NELL2: variants seen among roughly 807,000 people sequenced by gnomAD.
NELL2 encodes the protein protein kinase C-binding protein NELL2.
Under a neutral mutation model 109.6 loss-of-function variants are expected in NELL2, and 41 were observed. That is an observed-to-expected ratio of 0.37 (90% CI 0.29 to 0.49). The LOEUF (loss-of-function observed/expected upper bound fraction) is 0.49, where lower values mean the gene tolerates loss of function less well. NELL2 is among the 20% of genes least tolerant of loss of function. The pLI is 0.98. For synonymous variants in NELL2, 355 were observed against 344.7 expected (o/e 1.03, Z -0.33); for missense variants, 900 against 1,008.3 (o/e 0.89, Z 1.45).
exon 1 of NELL2, chr12:44,913,856 A>G: frequency 1.3e-6 from 1 of 740,926 alleles, no homozygotes; most frequent in Non-Finnish European, 2.1e-6. Flanking sequence ...ATAATGTCTA[A>G]AAGGTTCTTT....
chr12:44,554,510 G>C (rs1010290476), intron 15 of NELL2, among the ~76,000 whole-genome samples: 5 of 152,092 alleles, frequency 3.3e-5, no homozygotes, highest in Non-Finnish European at 5.9e-5. Flanking sequence ...GGCGATAATG[G>C]ATATGTTCGC....
intron 2 of NELL2, among the ~76,000 whole-genome samples, chr12:44,841,799 A>C (rs987586657): frequency 1.3e-5 from 2 of 152,060 alleles, no homozygotes; most frequent in African/African-American, 4.8e-5. Flanking sequence ...TCCAGAGTGG[A>C]GCAATCTCTC....
intron 12 of NELL2, among the ~76,000 whole-genome samples, chr12:44,683,837 A>C (rs1315828057): frequency 6.6e-6 from 1 of 152,084 alleles, no homozygotes; most frequent in Non-Finnish European, 1.5e-5. Context: ...TTTTATTGAG[A>C]ATTTTTGCAT....
upstream of NELL2, chr12:44,876,377 G>C: frequency 8.1e-7 from 1 of 1,235,734 alleles, no homozygotes; most frequent in Non-Finnish European, 1.0e-6. Context: ...GGCGGGCCGG[G>C]GGAGGCGGGG....
At chr12:44,516,394 C>A (rs1004386197) in intron 19 of NELL2, among the ~76,000 whole-genome samples, 4 of 151,844 alleles carry the variant, frequency 2.6e-5, no homozygotes, top group Admixed American at 2.6e-4. Context: ...TATGGGGGTG[C>A]GGATAGTATG....
At chr12:44,668,129 C>T (rs928620709) in intron 12 of NELL2, among the ~76,000 whole-genome samples, 1 of 152,162 alleles carries the variant, frequency 6.6e-6, no homozygotes, top group Non-Finnish European at 1.5e-5. Flanking sequence ...GAGGGCTATG[C>T]TGCCATAATA....
intron 12 of NELL2, among the ~76,000 whole-genome samples, chr12:44,680,282 G>C (rs911832981): frequency 7.9e-5 from 12 of 151,924 alleles, no homozygotes; most frequent in Non-Finnish European, 1.5e-4. Context: ...TGTTAGTTTT[G>C]ACAATCTTAA....
intron 13 of NELL2, among the ~76,000 whole-genome samples, chr12:44,650,299 A>AT (rs10572082): frequency 1.9e-3 from 266 of 143,020 alleles, no homozygotes; most frequent in Middle Eastern, 3.6e-3. Flanking sequence ...CCACCCCCCA[A>AT]TTTTTTTTTT....
At chr12:44,905,983 T>C (rs1945715632) in intron 1 of NELL2, among the ~76,000 whole-genome samples, 1 of 152,060 alleles carries the variant, frequency 6.6e-6, no homozygotes, top group Admixed American at 6.6e-5. Context: ...TACATAATAT[T>C]CTAAACAGTA....
chr12:44,574,791 T>C (rs758128230), intron 15 of NELL2, among the ~76,000 whole-genome samples: 14 of 152,204 alleles, frequency 9.2e-5, no homozygotes, highest in Non-Finnish European at 2.1e-4. Context: ...TTTGCATGGC[T>C]TGCTCTCTTA....
At chr12:44,834,975 C>T (rs1259068088) in intron 2 of NELL2, among the ~76,000 whole-genome samples, 3 of 152,120 alleles carry the variant, frequency 2.0e-5, no homozygotes, top group Non-Finnish European at 4.4e-5. Flanking sequence ...GGAAGAAGGG[C>T]AGGGCTGGGA....
intron 9 of NELL2, among the ~76,000 whole-genome samples, chr12:44,738,882 C>T (rs533962686): frequency 5.3e-5 from 8 of 152,272 alleles, no homozygotes; most frequent in Non-Finnish European, 8.8e-5. Flanking sequence ...AATCATTTTG[C>T]AATGTATACA....
At chr12:44,810,718 A>G (rs915023546) in intron 3 of NELL2, among the ~76,000 whole-genome samples, 2 of 152,002 alleles carry the variant, frequency 1.3e-5, no homozygotes, top group African/African-American at 4.8e-5. Flanking sequence ...TCTTCTTTAT[A>G]CATATTTTTT....
At chr12:44,535,796 G>A (rs565355768) in intron 15 of NELL2, among the ~76,000 whole-genome samples, 1 of 151,958 alleles carries the variant, frequency 6.6e-6, no homozygotes, top group African/African-American at 2.4e-5. Context: ...CTATGAATAT[G>A]ACAAAAACAG....
At position 44,779,846 on chromosome 12, in the gene NELL2, T is replaced by C. The variant is rs1274058606; in HGVS notation, c.509+3A>G. 1.2e-6 allele frequency: 2 copies of C among 1,613,834 alleles called. No homozygotes were observed. Among genetic ancestry groups the C allele is most frequent in the East Asian group, 2.2e-5 (1 of 44,880 alleles). ...TTTCCTAAAATGAGGACACTACACT[T>C]ACTTATTGCAGTCAATGTGTAAAAT... is the stretch of plus-strand genomic sequence containing the variant. On this transcript the variant is annotated splice_donor_region_variant and intron_variant, in intron 4 of 19. Transcript: ENST00000429094.
chr12:44,752,988 C>T (rs932492960), intron 9 of NELL2, among the ~76,000 whole-genome samples: 8 of 152,140 alleles, frequency 5.3e-5, no homozygotes, highest in South Asian at 2.1e-4. Flanking sequence ...TTTTGCATGG[C>T]GTCTCCCACC....
At chr12:44,670,657 G>A (rs905125709) in intron 12 of NELL2, among the ~76,000 whole-genome samples, 1 of 146,650 alleles carries the variant, frequency 6.8e-6, no homozygotes, top group Non-Finnish European at 1.5e-5. Flanking sequence ...GAGTAGCTAT[G>A]TTTATATCAG....
chr12:44,854,612 C>T (rs1301057885), intron 2 of NELL2, among the ~76,000 whole-genome samples: 1 of 151,586 alleles, frequency 6.6e-6, no homozygotes, highest in Non-Finnish European at 1.5e-5. Flanking sequence ...ATACTGTTAT[C>T]TAATCTCCAC....
rs573764287 is a variant in NELL2, at chr12:44,855,730, C to G, written c.184+19495G>C. Among the ~76,000 whole-genome samples, 65 of 152,278 alleles carry G rather than the reference C, an allele frequency of 4.3e-4. 1 individual carries two copies. The South Asian group carries it at 0.013, about 32-fold the overall frequency. On this transcript the variant is annotated intron_variant, in intron 2 of 19. Coordinates refer to ENST00000429094, the MANE Select transcript of NELL2 (RefSeq NM_001145108.2). The stretch of plus-strand genomic sequence containing the variant: ...AATGTTGAATTCGCAATACTTCAAA[C>G]TAAAAATTTAAACTCTCATCATCAA...
Sources: gnomAD v4.1 joint callset for allele counts (sites outside exome capture counted in the v4.1 genomes callset) on GRCh38, gnomAD v4.1.1 for gene constraint, MANE v1.5 for transcripts, NCBI Gene and HGNC (gene_info 2026-07-23, HGNC 2026-07-21) for gene names.